BLTP3A: variants seen among roughly 807,000 people sequenced by gnomAD.
BLTP3A encodes the protein ICBP90 binding protein 1.
chr6:34,834,960 G>T, the BLTP3A span: 1 of 1,439,556 alleles, frequency 6.9e-7, no homozygotes, highest in Non-Finnish European at 9.4e-7. Context: ...TATTGGCCCT[G>T]GAATGACAGT....
the BLTP3A span, among the ~76,000 whole-genome samples, chr6:34,794,375 T>C: frequency 6.6e-6 from 1 of 152,162 alleles, no homozygotes; most frequent in Non-Finnish European, 1.5e-5. Flanking sequence ...TGAATTAATA[T>C]ATGTAAGGAC....
chr6:34,815,521 A>C, the BLTP3A span, among the ~76,000 whole-genome samples: 5 of 151,356 alleles, frequency 3.3e-5, no homozygotes, highest in African/African-American at 1.2e-4. Context: ...AAGTGCTGGG[A>C]TTATAGGGGT....
the BLTP3A span, among the ~76,000 whole-genome samples, chr6:34,848,719 T>C: frequency 5.3e-5 from 8 of 152,160 alleles, no homozygotes; most frequent in African/African-American, 1.9e-4. Flanking sequence ...GTAGGTGAAG[T>C]GTGTTTCTTG....
chr6:34,857,792 T>C, the BLTP3A span: 2 of 1,614,206 alleles, frequency 1.2e-6, no homozygotes, highest in Non-Finnish European at 1.7e-6. Flanking sequence ...CAGTTTGCTC[T>C]GGGGAAACCT....
the BLTP3A span, among the ~76,000 whole-genome samples, chr6:34,837,473 C>T: frequency 4.4e-4 from 66 of 151,586 alleles, no homozygotes; most frequent in African/African-American, 1.4e-3. Flanking sequence ...TGCTTAAGCC[C>T]GGGAGTTTGA....
the BLTP3A span, among the ~76,000 whole-genome samples, chr6:34,803,249 ATTGAG>A: frequency 5.9e-5 from 9 of 152,000 alleles, no homozygotes; most frequent in Non-Finnish European, 1.0e-4. Flanking sequence ...AAAAAAAGGA[ATTGAG>A]TTGAGTCTGT....
chr6:34,859,719 GT>G, the BLTP3A span: 1 of 1,180,596 alleles, frequency 8.5e-7, no homozygotes. Flanking sequence ...TTAATGGGCA[GT>G]TTTCAAGCCA....
the BLTP3A span, chr6:34,856,807 C>T: frequency 1.1e-5 from 18 of 1,613,596 alleles, no homozygotes; most frequent in Admixed American, 1.2e-4. Flanking sequence ...TTCCAGTCCT[C>T]GAAAGAACCC....
chr6:34,849,228 G>A, the BLTP3A span, among the ~76,000 whole-genome samples: 1 of 151,874 alleles, frequency 6.6e-6, no homozygotes, highest in Non-Finnish European at 1.5e-5. Context: ...CAAACTCCTG[G>A]CATCAAGTGA....
the BLTP3A span, chr6:34,858,224 C>T: frequency 1.9e-6 from 3 of 1,614,076 alleles, no homozygotes; most frequent in East Asian, 2.2e-5. Flanking sequence ...ACACGTCATG[C>T]TCCACATTGT....
chr6:34,830,318 G>T, the BLTP3A span, among the ~76,000 whole-genome samples: 1 of 152,004 alleles, frequency 6.6e-6, no homozygotes, highest in South Asian at 2.1e-4. Flanking sequence ...GCTGGGTGTG[G>T]TGACTCACGC....
At chr6:34,823,307 C>G in the BLTP3A span, 1 of 1,614,092 alleles carries the variant, frequency 6.2e-7, no homozygotes, top group Non-Finnish European at 8.5e-7. Flanking sequence ...ATCCTCGGCC[C>G]CCCAATGGAC....
chr6:34,804,028 G>C, the BLTP3A span, among the ~76,000 whole-genome samples: 1 of 152,102 alleles, frequency 6.6e-6, no homozygotes, highest in Admixed American at 6.5e-5. Flanking sequence ...CGAAATTAGA[G>C]GCCTGGCAGT....
At chr6:34,833,230 G>A in the BLTP3A span, among the ~76,000 whole-genome samples, 1 of 152,120 alleles carries the variant, frequency 6.6e-6, no homozygotes. Context: ...CCTCAGGGTT[G>A]GCTGTGGGAT....
At chr6:34,831,271 G>T in the BLTP3A span, among the ~76,000 whole-genome samples, 1 of 152,048 alleles carries the variant, frequency 6.6e-6, no homozygotes, top group South Asian at 2.1e-4. Flanking sequence ...GGGATTACAG[G>T]CGCCTGCCAC....
At chr6:34,795,623 G>A in the BLTP3A span, among the ~76,000 whole-genome samples, 36 of 138,900 alleles carry the variant, frequency 2.6e-4, no homozygotes, top group African/African-American at 7.9e-4. Flanking sequence ...GGATGGTCTC[G>A]ATCTCCTGAC....
the BLTP3A span, among the ~76,000 whole-genome samples, chr6:34,853,882 C>A: frequency 2.3e-4 from 35 of 151,854 alleles, no homozygotes; most frequent in African/African-American, 8.2e-4. Context: ...TTATATCAAG[C>A]AAAAGTTAAA....
the BLTP3A span, among the ~76,000 whole-genome samples, chr6:34,829,163 A>G: frequency 6.6e-6 from 1 of 152,218 alleles, no homozygotes; most frequent in South Asian, 2.1e-4. Context: ...AGTGGTTTTT[A>G]CTGTATTCAC....
the BLTP3A span, among the ~76,000 whole-genome samples, chr6:34,826,668 C>T: frequency 4.6e-5 from 7 of 152,086 alleles, no homozygotes; most frequent in African/African-American, 1.7e-4. Flanking sequence ...TTACATCGTA[C>T]ATTTACTCTT....
Sources: allele counts gnomAD v4.1 joint callset (sites outside exome capture counted in the v4.1 genomes callset), GRCh38; gene constraint gnomAD v4.1.1; transcripts MANE v1.5; gene names NCBI Gene and HGNC (gene_info 2026-07-23, HGNC 2026-07-21).